Variants in FMN1 observed in about 807,000 individuals in gnomAD.
FMN1 encodes formin 1, also known as formin-1.
Under a neutral mutation model 132.4 loss-of-function variants are expected in FMN1, and 110 were observed. The ratio of observed to expected loss-of-function variants is 0.83; its 90% CI spans 0.71 to 0.97. The LOEUF (loss-of-function observed/expected upper bound fraction) is 0.97, where lower values mean the gene tolerates loss of function less well. Ranked by LOEUF, FMN1 falls within the 50% of genes least tolerant of loss-of-function variation. FMN1 has a pLI of 0.00. For synonymous variants in FMN1, 722 were observed against 651.7 expected (o/e 1.11, Z -1.64); for missense variants, 1,792 against 1,705.3 (o/e 1.05, Z -0.90).
chr15:32,888,079 C>A (rs2059936806), intron 16 of FMN1, 93 bp downstream of exon 16: 2 of 1,111,964 alleles, frequency 1.8e-6, no homozygotes, highest in Admixed American at 2.9e-5. Flanking sequence ...CTGCACCAAT[C>A]CCACTCTATG....
intron 6 of FMN1, among the ~76,000 whole-genome samples, chr15:33,026,298 A>C (rs2035666978): frequency 6.6e-6 from 1 of 152,108 alleles, no homozygotes; most frequent in African/African-American, 2.4e-5. Context: ...AAAATATGAT[A>C]AAAAGCTTAA....
chr15:33,169,837 G>A lies in FMN1; in HGVS notation c.-132+10361C>T, dbSNP rs563830586. ...CTGTGAACCAGATGAGGCCACTATT[G>A]AGCATATTATTTATTCTTTTGTCAT... On this transcript the variant is annotated intron_variant, in intron 3 of 20. Transcript: ENST00000616417. 8.1e-5 allele frequency among the ~76,000 whole-genome samples: 11 copies of A among 136,446 alleles called. No homozygotes were observed. In the East Asian group the frequency reaches 2.3e-3, roughly 28 times the overall value. 89.5% of individuals were successfully genotyped at this position (136,446 alleles called of 152,430 possible). A position where few individuals can be genotyped will look rare whatever the true frequency, so the allele number is the denominator to read the frequency against.
At chr15:33,183,934 A>G (rs1965790145) in intron 2 of FMN1, among the ~76,000 whole-genome samples, 1 of 152,164 alleles carries the variant, frequency 6.6e-6, no homozygotes, top group Non-Finnish European at 1.5e-5. Context: ...CAATATAATC[A>G]CAATGACTTT....
intron 17 of FMN1, among the ~76,000 whole-genome samples, chr15:32,848,355 CGT>C (rs1473042944): frequency 1.6e-5 from 1 of 61,594 alleles, no homozygotes; most frequent in Non-Finnish European, 4.2e-5. Flanking sequence ...TGCGTGCACA[CGT>C]GTGTGTGTAT....
At chr15:33,095,180 T>G (rs2039035132) in intron 4 of FMN1, among the ~76,000 whole-genome samples, 1 of 151,960 alleles carries the variant, frequency 6.6e-6, no homozygotes, top group Non-Finnish European at 1.5e-5. Context: ...AAACCCCATC[T>G]CTACTGAAAA....
chr15:32,876,987 TA>T (rs2059652527), intron 16 of FMN1, among the ~76,000 whole-genome samples: 1 of 152,184 alleles, frequency 6.6e-6, no homozygotes, highest in Non-Finnish European at 1.5e-5. Flanking sequence ...CTCTGCTCTA[TA>T]AAGACAGATG....
chr15:33,137,529 A>G (rs1963824009), intron 4 of FMN1, among the ~76,000 whole-genome samples: 1 of 152,220 alleles, frequency 6.6e-6, no homozygotes, highest in African/African-American at 2.4e-5. Flanking sequence ...TAATGAGCTC[A>G]GAGGATAATG....
intron 19 of FMN1, among the ~76,000 whole-genome samples, chr15:32,793,004 T>G (rs2057143923): frequency 6.6e-6 from 1 of 152,116 alleles, no homozygotes; most frequent in Admixed American, 6.5e-5. Flanking sequence ...TTATCCTTAC[T>G]GAGACAGGAA....
intron 2 of FMN1, among the ~76,000 whole-genome samples, chr15:33,181,106 G>A (rs1965684216): frequency 6.6e-6 from 1 of 152,110 alleles, no homozygotes; most frequent in Non-Finnish European, 1.5e-5. Context: ...GGCTCCGTGT[G>A]GTCAGGCCCC....
At chr15:32,962,121 T>TTAC (rs1433321277) in intron 9 of FMN1, among the ~76,000 whole-genome samples, 1 of 151,894 alleles carries the variant, frequency 6.6e-6, no homozygotes, top group Non-Finnish European at 1.5e-5. Context: ...ATTATTATTA[T>TTAC]TATTATTATT....
At chr15:33,052,408 T>A (rs969059879) in intron 6 of FMN1, among the ~76,000 whole-genome samples, 2 of 152,104 alleles carry the variant, frequency 1.3e-5, no homozygotes, top group Non-Finnish European at 2.9e-5. Flanking sequence ...ACCATGCAAA[T>A]ACACGTGCAT....
intron 6 of FMN1, among the ~76,000 whole-genome samples, chr15:33,015,494 A>G (rs2034989392): frequency 6.6e-6 from 1 of 152,136 alleles, no homozygotes. Context: ...TTTCTTACAC[A>G]TATATCCAAG....
intron 15 of FMN1, among the ~76,000 whole-genome samples, chr15:32,897,401 C>G (rs1198846946): frequency 6.6e-6 from 1 of 151,878 alleles, no homozygotes; most frequent in East Asian, 1.9e-4. Flanking sequence ...GAGACTTTTT[C>G]CCAAAAAATC....
chr15:32,952,522 C>CTA (rs2061676315), intron 9 of FMN1, among the ~76,000 whole-genome samples: 1 of 152,150 alleles, frequency 6.6e-6, no homozygotes, highest in Non-Finnish European at 1.5e-5. Flanking sequence ...GCTCCAAAAT[C>CTA]TTTAGAGTCA....
intron 4 of FMN1, among the ~76,000 whole-genome samples, chr15:33,110,765 T>C (rs1224752634): frequency 6.6e-6 from 1 of 151,792 alleles, no homozygotes; most frequent in Non-Finnish European, 1.5e-5. Flanking sequence ...AAAACTATTT[T>C]GCTATTCCTT....
At chr15:33,186,775 C>T (rs1965902369) in intron 2 of FMN1, among the ~76,000 whole-genome samples, 1 of 152,176 alleles carries the variant, frequency 6.6e-6, no homozygotes, top group African/African-American at 2.4e-5. Context: ...TGGGCAGTTT[C>T]ATAAAATCAG....
chr15:32,992,000 T>G (rs536696915), intron 7 of FMN1, among the ~76,000 whole-genome samples: 2 of 152,306 alleles, frequency 1.3e-5, no homozygotes, highest in African/African-American at 4.8e-5. Flanking sequence ...CTATAGACCT[T>G]GTAGTCCAGG....
At chr15:33,162,577 C>T (rs1249035205) in intron 3 of FMN1, among the ~76,000 whole-genome samples, 1 of 152,112 alleles carries the variant, frequency 6.6e-6, no homozygotes, top group Non-Finnish European at 1.5e-5. Context: ...AAACGTAATA[C>T]AGGACTGAGA....
intron 18 of FMN1, among the ~76,000 whole-genome samples, chr15:32,799,481 T>A (rs2070916): frequency 0.072 from 11,001 of 152,222 alleles, 973 homozygotes; most frequent in East Asian, 0.46. Context: ...CTCAATTTTC[T>A]CAAGGGTAAA....
Sources: allele counts gnomAD v4.1 joint callset (sites outside exome capture counted in the v4.1 genomes callset), GRCh38; gene constraint gnomAD v4.1.1; transcripts MANE v1.5; gene names NCBI Gene and HGNC (gene_info 2026-07-23, HGNC 2026-07-21).